The following FARP2 variants were observed in gnomAD, a reference collection of about 807,000 sequenced individuals.
FARP2 encodes FERM, ARHGEF and pleckstrin domain-containing protein 2.
FARP2 carries 111 observed loss-of-function variants against 130.5 expected under a neutral mutation model. That is an observed-to-expected ratio of 0.85 (90% CI 0.73 to 1.00). The LOEUF (loss-of-function observed/expected upper bound fraction) is 1.00, where lower values mean the gene tolerates loss of function less well. Among genes scored for constraint, FARP2 ranks in the 50% least tolerant of loss-of-function variants. The pLI is 0.00. For synonymous variants in FARP2, 504 were observed against 516.9 expected (o/e 0.98, Z 0.34); for missense variants, 1,385 against 1,346.3 (o/e 1.03, Z -0.45).
chr2:241,434,279 C>G lies in FARP2; in HGVS notation c.989C>G (p.Ala330Gly). The G allele has an allele frequency of 6.2e-7, 1 of 1,613,150 alleles. No homozygotes were observed. The highest frequency in any genetic ancestry group is 1.7e-5 in the Admixed American group (1 of 59,774). ...FRLLDQPKPK[A>G]KAVFFSRGSS... The stretch of plus-strand genomic sequence containing the variant: ...CTTTTGGACCAACCTAAGCCAAAAG[C>G]AAAAGCCGTCTTCTTCAGCCGGGGC... Residue 330 changes from alanine (A) to glycine (G), a missense_variant, in exon 10 of 27, where the codon GCA (alanine) becomes GGA (glycine). Coordinates refer to ENST00000264042, the MANE Select transcript of FARP2 (RefSeq NM_014808.4).
intron 1 of FARP2, among the ~76,000 whole-genome samples, chr2:241,368,049 A>T (rs1205141717): frequency 6.9e-6 from 1 of 144,804 alleles, no homozygotes; most frequent in Non-Finnish European, 1.5e-5. Context: ...TCAGTACATC[A>T]TTATCACCCA....
intron 2 of FARP2, among the ~76,000 whole-genome samples, chr2:241,390,756 T>C (rs1442491174): frequency 7.2e-5 from 11 of 152,206 alleles, no homozygotes; most frequent in Admixed American, 7.2e-4. Context: ...TTTTTTAGAT[T>C]ATGTTTTCTT....
At chr2:241,448,130 A>T (rs1344370670) in intron 13 of FARP2, among the ~76,000 whole-genome samples, 1 of 152,174 alleles carries the variant, frequency 6.6e-6, no homozygotes, top group Non-Finnish European at 1.5e-5. Flanking sequence ...GAGCCCATGG[A>T]TGGGTAGTTA....
chr2:241,493,404 G>A lies in FARP2; in HGVS notation c.3007G>A (p.Val1003Ile), dbSNP rs140222530. 215 of 1,613,954 alleles carry A rather than the reference G, an allele frequency of 1.3e-4. 1 individual carries two copies. The African/African-American group carries it at 2.1e-3, about 16-fold the overall frequency. Residue 1003 changes from valine to isoleucine, a missense_variant, in exon 26 of 27, where the codon GTC becomes ATC. Val to Ile is a conservative substitution (Grantham distance 29). Coordinates refer to ENST00000264042, the MANE Select transcript of FARP2 (RefSeq NM_014808.4). Reference protein sequence around the residue: ...YVFKLQFKSHVYFFRAESKYT... With the variant: ...YVFKLQFKSHIYFFRAESKYT... The stretch of plus-strand genomic sequence containing the variant: ...TTTCAAGCTCCAGTTCAAATCCCAC[G>A]TCTACTTCTTCCGGGCTGAGAGCAA...
intron 11 of FARP2, 86 bp downstream of exon 11, chr2:241,435,116 C>T (rs949805314): frequency 2.7e-6 from 2 of 745,710 alleles, no homozygotes. Context: ...AAAAGAGAGA[C>T]TGAGTCTTGC....
Position 241,474,317 on chromosome 2 carries a change from CAAAAAAAAAAAAAAAAAA to C in FARP2, c.2132-1524_2132-1507del, listed in dbSNP as rs56128645. 8.1e-4 allele frequency among the ~76,000 whole-genome samples: 38 copies of C among 46,676 alleles called. 1 individual carries two copies. Among genetic ancestry groups the C allele is most frequent in the South Asian group, 1.5e-3 (1 of 676 alleles). The allele number at this position is 46,676 out of a possible 152,430, so 30.6% of individuals were successfully genotyped here. A position where few individuals can be genotyped will look rare whatever the true frequency, so the allele number is the denominator to read the frequency against. ...CAGAGCGCAGAGCGAGATTCCGTCT[CAAAAAAAAAAAAAAAAAA>C]AAAAAAAAAAAAAAAGATAGAGCTG... On this transcript the variant is annotated intron_variant, in intron 18 of 26. Coordinates refer to ENST00000264042, the MANE Select transcript of FARP2 (RefSeq NM_014808.4).
Position 241,466,217 on chromosome 2 carries a change from C to T in FARP2, c.1894-1923C>T, listed in dbSNP as rs891511173. ...GCATAAGGTCAGTTTTCCCCCAGAGCCCGGGCCCCTGTCCCCCTACAGTGC... is the reference window on the plus strand; with the variant it reads ...GCATAAGGTCAGTTTTCCCCCAGAGTCCGGGCCCCTGTCCCCCTACAGTGC... On this transcript the variant is annotated intron_variant, in intron 17 of 26. Coordinates refer to ENST00000264042, the MANE Select transcript of FARP2 (RefSeq NM_014808.4). 4.1e-6 allele frequency: 4 copies of T among 985,344 alleles called. No individual in the cohort carries two copies. In the African/African-American group the frequency reaches 5.2e-5, roughly 13 times the overall value. The allele number at this position is 985,344 out of a possible 1,614,324, so 61.0% of individuals were successfully genotyped here. A position where few individuals can be genotyped will look rare whatever the true frequency, so the allele number is the denominator to read the frequency against.
Position 241,494,031 on chromosome 2 carries a change from C to G in FARP2, c.3071C>G (p.Ala1024Gly). The G allele has an allele frequency of 7.1e-7, 1 of 1,402,564 alleles. No homozygotes were observed. Among genetic ancestry groups the G allele is most frequent in the South Asian group, 2.0e-5 (1 of 51,250 alleles). 86.9% of individuals were successfully genotyped at this position (1,402,564 alleles called of 1,614,324 possible). ...FERWMEVIQG[A>G]SSSAGRAPSI... ...AGGTGGATGGAGGTGATCCAGGGGG[C>G]CAGCAGCTCAGCCGGGAGGGCCCCA... Residue 1024 changes from alanine to glycine, a missense_variant, in exon 27 of 27, where the codon GCC becomes GGC. Ala to Gly is a moderately conservative substitution (Grantham distance 60). Transcript: ENST00000264042. This position sits in a 1 kb window ranked among gnomAD's most constrained non-coding sequence, Gnocchi z 4.9.
In FARP2 at chr2:241,463,883, G is replaced by C. The variant is rs774972938; in HGVS notation, c.1812-16G>C. 3.9e-5 allele frequency: 62 copies of C among 1,610,310 alleles called. No homozygotes were observed. The highest frequency in any genetic ancestry group is 5.1e-5 in the Non-Finnish European group (60 of 1,177,144). On this transcript the variant is annotated splice_polypyrimidine_tract_variant and intron_variant, in intron 16 of 26. Transcript: ENST00000264042. ...CTTTCACCATGTTTAGGATGACTTTGTTTCTTTTTACTCAGGGAAGGGCCC... is the reference window on the plus strand; with the variant it reads ...CTTTCACCATGTTTAGGATGACTTTCTTTCTTTTTACTCAGGGAAGGGCCC...
At chr2:241,454,899 T>A (rs185629520) in intron 13 of FARP2, among the ~76,000 whole-genome samples, 271 of 152,338 alleles carry the variant, frequency 1.8e-3, no homozygotes, top group Non-Finnish European at 3.3e-3. Flanking sequence ...AGAATCCTAA[T>A]AACTAGAATT....
chr2:241,471,663 T>C (rs1466074106), intron 18 of FARP2, among the ~76,000 whole-genome samples: 1 of 151,600 alleles, frequency 6.6e-6, no homozygotes, highest in Non-Finnish European at 1.5e-5. Flanking sequence ...CTGTCTAATT[T>C]TTTTTGTATT....
At position 241,463,945 on chromosome 2, in the gene FARP2, G is replaced by C; in HGVS notation, c.1858G>C (p.Gly620Arg). 1 of 1,614,072 alleles carries C rather than the reference G, an allele frequency of 6.2e-7. No individual in the cohort carries two copies. The highest frequency in any genetic ancestry group is 8.5e-7 in the Non-Finnish European group (1 of 1,179,944). The change falls in exon 17 of 27, where the codon GGG becomes CGG. Residue 620 changes from glycine to arginine, a missense_variant. Coordinates refer to ENST00000264042, the MANE Select transcript of FARP2 (RefSeq NM_014808.4). ...CACAAAAGGCAGTCATCAACGAATC[G>C]GGGACATCCTGCTCAGGAACATGCG... ...AHTKGSHQRI[G>R]DILLRNMRQL...
intron 8 of FARP2, among the ~76,000 whole-genome samples, chr2:241,421,629 TAAG>T (rs1192324232): frequency 6.6e-6 from 1 of 152,192 alleles, no homozygotes; most frequent in Non-Finnish European, 1.5e-5. Context: ...GCTGCTGCTT[TAAG>T]TGGGCCCCTG....
chr2:241,443,145 C>A, intron 13 of FARP2: 1 of 245,156 alleles, frequency 4.1e-6, no homozygotes, highest in Non-Finnish European at 8.1e-6. Flanking sequence ...TTTGCACAGA[C>A]AAGTGGAGAA....
intron 1 of FARP2, among the ~76,000 whole-genome samples, chr2:241,369,082 C>T (rs754757647): frequency 5.9e-5 from 9 of 151,952 alleles, no homozygotes; most frequent in African/African-American, 1.5e-4. Flanking sequence ...GCCATGTTGA[C>T]GTCTGTCTGG....
chr2:241,437,826 G>A (rs547042790), intron 12 of FARP2, among the ~76,000 whole-genome samples: 70 of 151,818 alleles, frequency 4.6e-4, no homozygotes, highest in African/African-American at 1.2e-3. Flanking sequence ...CACCACGCCT[G>A]GCTAATTTGT....
At chr2:241,489,726 C>G (rs931162034) in intron 21 of FARP2, 4 of 416,128 alleles carry the variant, frequency 9.6e-6, no homozygotes, top group African/African-American at 6.0e-5. Flanking sequence ...AGTGCTGGAC[C>G]CCCCGGTGAG....
At chr2:241,471,947 C>CTTTT (rs2064327942) in intron 18 of FARP2, among the ~76,000 whole-genome samples, 5 of 60,028 alleles carry the variant, frequency 8.3e-5, no homozygotes, top group African/African-American at 1.2e-4. Flanking sequence ...CTGTGGTGAT[C>CTTTT]CTGTTCTGAA....
chr2:241,442,283 C>A (rs1286610787), intron 13 of FARP2: 3 of 456,606 alleles, frequency 6.6e-6, no homozygotes. Context: ...CGCTCTGAGT[C>A]CAGCTCGGCC....
Sources: allele counts gnomAD v4.1 joint callset (sites outside exome capture counted in the v4.1 genomes callset), GRCh38; gene constraint gnomAD v4.1.1; non-coding constraint Gnocchi (gnomAD v3.1); transcripts MANE v1.5; gene names NCBI Gene and HGNC (gene_info 2026-07-23, HGNC 2026-07-21).